Variants in PTPRM observed in about 807,000 individuals in gnomAD.
PTPRM encodes the protein receptor-type tyrosine-protein phosphatase mu.
PTPRM carries 47 observed loss-of-function variants against 186.7 expected under a neutral mutation model. The observed-to-expected ratio is 0.25, with a 90% CI of 0.20 to 0.32. The LOEUF (loss-of-function observed/expected upper bound fraction) is 0.32, where lower values mean the gene tolerates loss of function less well. Among genes scored for constraint, PTPRM ranks in the 10% least tolerant of loss-of-function variants. PTPRM has a pLI of 1.00. For synonymous variants in PTPRM, 668 were observed against 674.9 expected, an observed-to-expected ratio of 0.99 and a Z score of 0.16; for missense variants, 1,494 against 1,865.0, an observed-to-expected ratio of 0.80 and a Z score of 3.66.
intron 5 of PTPRM, among the ~76,000 whole-genome samples, chr18:7,927,691 T>C (rs947440352): frequency 3.9e-5 from 6 of 152,182 alleles, no homozygotes; most frequent in African/African-American, 1.4e-4. Context: ...TGTGACACTC[T>C]GTAATTTTTA....
chr18:7,755,909 A>G (rs140958943), intron 1 of PTPRM, among the ~76,000 whole-genome samples: 227 of 152,252 alleles, frequency 1.5e-3, no homozygotes, highest in African/African-American at 5.2e-3. Context: ...CTAGTGTTCC[A>G]CTTGCACAGG....
intron 7 of PTPRM, among the ~76,000 whole-genome samples, chr18:7,964,211 A>T (rs1333915854): frequency 6.6e-6 from 1 of 152,210 alleles, no homozygotes; most frequent in Admixed American, 6.5e-5. Context: ...TATGTGTTTT[A>T]AAAGGACTTG....
At chr18:8,146,055 G>C (rs911609950) in intron 14 of PTPRM, among the ~76,000 whole-genome samples, 1 of 97,958 alleles carries the variant, frequency 1.0e-5, no homozygotes, top group East Asian at 3.0e-4. Context: ...AGATGGAGTT[G>C]TTTGCTCTTT....
chr18:8,278,585 T>C (rs1011552921), intron 19 of PTPRM, among the ~76,000 whole-genome samples: 2 of 152,218 alleles, frequency 1.3e-5, no homozygotes, highest in Non-Finnish European at 2.9e-5. Flanking sequence ...GATCACATTA[T>C]ACATTTCAGT....
intron 2 of PTPRM, among the ~76,000 whole-genome samples, chr18:7,806,600 A>G (rs1202705181): frequency 6.6e-6 from 1 of 152,210 alleles, no homozygotes; most frequent in South Asian, 2.1e-4. Context: ...TGGAGCCACA[A>G]CCACATTCTG....
At position 8,252,464 on chromosome 18, in the gene PTPRM, TC is replaced by T. The variant is rs2094536657; in HGVS notation, c.2555-22del. On this transcript the variant is annotated intron_variant, in intron 17 of 32. Transcript: ENST00000580170. ...GTTTCCTTTTTCTCCTCCTTTTTTC[TC>T]CTGATATGTATCTTCTTAAAAGTGC... is the stretch of plus-strand genomic sequence containing the variant. 2.0e-6 allele frequency: 3 copies of T among 1,530,360 alleles called. No homozygotes were observed. In the Admixed American group the frequency reaches 5.0e-5, roughly 26 times the overall value. 94.8% of individuals were successfully genotyped at this position (1,530,360 alleles called of 1,614,324 possible). A position where few individuals can be genotyped will look rare whatever the true frequency, so the allele number is the denominator to read the frequency against.
At chr18:7,576,305 A>G (rs1200258165) in intron 1 of PTPRM, among the ~76,000 whole-genome samples, 1 of 152,178 alleles carries the variant, frequency 6.6e-6, no homozygotes, top group Non-Finnish European at 1.5e-5. Context: ...GATTTATTGC[A>G]TACAATGAGA....
intron 25 of PTPRM, 51 bp downstream of exon 25, chr18:8,376,251 C>A: frequency 6.3e-7 from 1 of 1,594,302 alleles, no homozygotes; most frequent in Non-Finnish European, 8.5e-7. Flanking sequence ...GTGATGGGTG[C>A]AGGGCCACCT....
intron 22 of PTPRM, among the ~76,000 whole-genome samples, chr18:8,332,726 G>A (rs748409019): frequency 2.6e-5 from 4 of 152,120 alleles, no homozygotes; most frequent in Non-Finnish European, 1.5e-5. Context: ...CCAGGTGAGG[G>A]GAAAAGACTC....
At chr18:8,275,969 G>T (rs1012913841) in intron 19 of PTPRM, among the ~76,000 whole-genome samples, 4 of 151,986 alleles carry the variant, frequency 2.6e-5, no homozygotes, top group East Asian at 1.9e-4. Context: ...GTATCTCCTT[G>T]TTCTGTGGTA....
chr18:7,639,947 G>A (rs1240141689), intron 1 of PTPRM, among the ~76,000 whole-genome samples: 4 of 152,132 alleles, frequency 2.6e-5, no homozygotes, highest in African/African-American at 9.7e-5. Context: ...TTGTTATCAT[G>A]TTTTATTTTA....
intron 4 of PTPRM, among the ~76,000 whole-genome samples, chr18:7,922,617 C>A (rs1210346511): frequency 6.6e-6 from 1 of 152,062 alleles, no homozygotes; most frequent in African/African-American, 2.4e-5. Flanking sequence ...ATGTCTCTGG[C>A]TCCTGGAATA....
chr18:8,329,345 T>C (rs1297455247), intron 22 of PTPRM, among the ~76,000 whole-genome samples: 2 of 152,256 alleles, frequency 1.3e-5, no homozygotes, highest in Admixed American at 6.5e-5. Context: ...CAAAAGTATT[T>C]GCAAACTGCA....
At chr18:7,977,611 T>A (rs1338242965) in intron 7 of PTPRM, among the ~76,000 whole-genome samples, 1 of 152,200 alleles carries the variant, frequency 6.6e-6, no homozygotes, top group Non-Finnish European at 1.5e-5. Flanking sequence ...GTTTGCTTAC[T>A]GCCCATAATA....
chr18:7,870,659 T>G (rs939981137), intron 2 of PTPRM, among the ~76,000 whole-genome samples: 1 of 152,218 alleles, frequency 6.6e-6, no homozygotes, highest in African/African-American at 2.4e-5. Context: ...ATAAAAAATC[T>G]GATAGACAAT....
chr18:7,988,950 G>A (rs1195733942), intron 7 of PTPRM, among the ~76,000 whole-genome samples: 1 of 152,164 alleles, frequency 6.6e-6, no homozygotes, highest in African/African-American at 2.4e-5. Context: ...TCAGATTGGA[G>A]ATCAAGTTCA....
chr18:8,080,617 C>T (rs187000476), intron 9 of PTPRM, among the ~76,000 whole-genome samples: 1 of 152,210 alleles, frequency 6.6e-6, no homozygotes, highest in Admixed American at 6.5e-5. Context: ...GTTGAAGACA[C>T]CTTAATATCC....
chr18:7,801,444 CAT>C (rs2043963594), intron 2 of PTPRM, among the ~76,000 whole-genome samples: 1 of 152,150 alleles, frequency 6.6e-6, no homozygotes, highest in South Asian at 2.1e-4. Context: ...GAGGCAGTAA[CAT>C]GCATAGAGCT....
At chr18:8,295,216 C>T (rs2095083275) in intron 19 of PTPRM, among the ~76,000 whole-genome samples, 2 of 152,300 alleles carry the variant, frequency 1.3e-5, no homozygotes, top group Non-Finnish European at 1.5e-5. Flanking sequence ...CGAGCAGTGT[C>T]TCCTACTGCA....
Sources: allele counts gnomAD v4.1 joint callset (sites outside exome capture counted in the v4.1 genomes callset), GRCh38; gene constraint gnomAD v4.1.1; transcripts MANE v1.5; gene names NCBI Gene and HGNC (gene_info 2026-07-23, HGNC 2026-07-21).